Variants in RPS5 observed in about 807,000 individuals in gnomAD.
The protein encoded by RPS5 is small ribosomal subunit protein uS7.
A neutral mutation model predicts 20.9 loss-of-function variants in RPS5; 2 were observed. The observed-to-expected ratio is 0.10, with a 90% CI of 0.04 to 0.30. The LOEUF (loss-of-function observed/expected upper bound fraction) is 0.30, where lower values mean the gene tolerates loss of function less well. RPS5 is among the 10% of genes least tolerant of loss of function. The pLI, the probability that RPS5 is intolerant of heterozygous loss-of-function variation, is 1.00. For synonymous variants in RPS5, 112 were observed against 105.8 expected (o/e 1.06, Z -0.36); for missense variants, 122 against 287.2 (o/e 0.42, Z 4.16).
intron 2 of RPS5, chr19:58,388,459 G>A (rs2052341432): frequency 7.0e-6 from 4 of 571,974 alleles, no homozygotes; most frequent in Non-Finnish European, 1.2e-5. Context: ...TTCACCAGAA[G>A]GAGCATCACA....
intron 2 of RPS5, chr19:58,388,636 G>GTTTTTTTTTT (rs3048304): frequency 2.4e-5 from 5 of 209,940 alleles, no homozygotes; most frequent in Non-Finnish European, 4.2e-5. Context: ...GCTGGCCGTA[G>GTTTTTTTTTT]TTTTTTTTTT....
At chr19:58,392,951 C>T (rs1179676452) in intron 2 of RPS5, 25 bp from the exon 3 acceptor site, 1 of 1,608,990 alleles carries the variant, frequency 6.2e-7, no homozygotes, top group South Asian at 1.1e-5. Context: ...ATTTTCCCTT[C>T]ATTTCCTGCT....
intron 1 of RPS5, chr19:58,387,851 C>G (rs2052336529): frequency 1.3e-5 from 6 of 449,392 alleles, no homozygotes. Flanking sequence ...AGTGTGAGGA[C>G]GTATGGCATC....
Position 58,394,525 on chromosome 19 carries a change from G to T in RPS5, c.476G>T (p.Arg159Leu). Residue 159 changes from arginine to leucine, a missense_variant, in exon 5 of 6, where the codon CGT becomes CTT. Arg to Leu is a moderately radical substitution (Grantham distance 102). This residue lies in a region of RPS5 where 24 missense variants were observed against 36.7 expected (regional missense o/e 0.65). Coordinates refer to ENST00000196551, the MANE Select transcript of RPS5 (RefSeq NM_001009.4). ...QAIWLLCTGA[R>L]EAAFRNIKTI... ...ATCTGGCTGCTGTGCACAGGCGCTC[G>T]TGAGGCTGCCTTCCGGAACATTAAG... is the stretch of plus-strand genomic sequence containing the variant. The T allele has an allele frequency of 6.2e-7, 1 of 1,614,094 alleles. No homozygotes were observed. Among genetic ancestry groups the T allele is most frequent in the Non-Finnish European group, 8.5e-7 (1 of 1,180,018 alleles).
intron 5 of RPS5, 34 bp downstream of exon 5, chr19:58,394,629 G>T: frequency 6.2e-7 from 1 of 1,613,914 alleles, no homozygotes; most frequent in South Asian, 1.1e-5. Flanking sequence ...GGGGTCTTAA[G>T]TTGGGCATTT....
chr19:58,393,664 C>T (rs1036910809), intron 4 of RPS5, 177 bp downstream of exon 4: 7 of 711,406 alleles, frequency 9.8e-6, no homozygotes, highest in South Asian at 6.0e-5. Flanking sequence ...TCTGGGTCCT[C>T]TTCGGGAACA....
intron 2 of RPS5, 25 bp from the exon 3 acceptor site, chr19:58,392,951 C>A: frequency 6.2e-7 from 1 of 1,608,990 alleles, no homozygotes; most frequent in Non-Finnish European, 8.5e-7. Flanking sequence ...ATTTTCCCTT[C>A]ATTTCCTGCT....
intron 2 of RPS5, among the ~76,000 whole-genome samples, chr19:58,389,769 T>C (rs1181969317): frequency 6.6e-6 from 1 of 152,036 alleles, no homozygotes; most frequent in Non-Finnish European, 1.5e-5. Flanking sequence ...CCCAAGTAGC[T>C]GAGATTACAG....
At chr19:58,393,709 G>T in intron 4 of RPS5, 1 of 557,604 alleles carries the variant, frequency 1.8e-6, no homozygotes, top group Admixed American at 3.6e-5. Context: ...TCCTTTGGGT[G>T]TATATTTTTA....
intron 2 of RPS5, among the ~76,000 whole-genome samples, chr19:58,388,878 C>T (rs1363004328): frequency 6.6e-6 from 1 of 152,080 alleles, no homozygotes; most frequent in Admixed American, 6.6e-5. Flanking sequence ...ATCCGCCCGT[C>T]TCGGCCTCCC....
chr19:58,394,690 G>A lies in RPS5; in HGVS notation c.555G>A (p.Ser185=), dbSNP rs780106441. ...TGTGTGTCTCCTTGCAGGGCTCCTC[G>A]AACTCCTATGCCATTAAGAAGAAGG... The part of the protein sequence containing the change: ...DELINAAKGS[S]NSYAIKKKDE... Residue 185 remains serine (S), a synonymous_variant, in exon 6 of 6, where the codon TCG becomes TCA. Transcript: ENST00000196551. 18 of 1,613,956 alleles carry A rather than the reference G, an allele frequency of 1.1e-5. No homozygotes were observed. Among genetic ancestry groups the A allele is most frequent in the African/African-American group, 6.7e-5 (5 of 74,880 alleles).
At position 58,387,310 on chromosome 19, in the gene RPS5, G is replaced by C. The variant is rs2052331427; in HGVS notation, c.-31G>C. On this transcript the variant is annotated 5_prime_UTR_variant, in exon 1 of 6. Transcript: ENST00000196551. ...CAGGGCGGCGCGTGGTCTACGCCGA[G>C]TGACAGAGACGCTCAGGCTGTGTTC... 1 of 152,298 alleles carries C rather than the reference G, an allele frequency of 6.6e-6. No individual in the cohort carries two copies. Among genetic ancestry groups the C allele is most frequent in the South Asian group, 2.1e-4 (1 of 4,838 alleles). 9.4% of individuals were successfully genotyped at this position (152,298 alleles called of 1,614,324 possible). A position where few individuals can be genotyped will look rare whatever the true frequency, so the allele number is the denominator to read the frequency against.
chr19:58,394,168 C>T (rs535938629), intron 4 of RPS5: 70 of 297,990 alleles, frequency 2.3e-4, no homozygotes, highest in African/African-American at 1.4e-3. Flanking sequence ...TCAGGCTGGT[C>T]TCAAACTCCC....
intron 2 of RPS5, among the ~76,000 whole-genome samples, chr19:58,391,314 C>T (rs925647391): frequency 4.0e-5 from 6 of 151,376 alleles, no homozygotes; most frequent in African/African-American, 1.5e-4. Flanking sequence ...CACCTGTTGT[C>T]CCAGCTACTT....
chr19:58,393,495 TG>T lies in RPS5; in HGVS notation c.447+12del. On this transcript the variant is annotated intron_variant, in intron 4 of 5. Coordinates refer to ENST00000196551, the MANE Select transcript of RPS5 (RefSeq NM_001009.4). ...CTGCGCCGTGTGAACCAGGTGAGCCTGGGGCTTATGCACGTGGCAGGGTGGA... is the reference window on the plus strand; with the variant it reads ...CTGCGCCGTGTGAACCAGGTGAGCCTGGGCTTATGCACGTGGCAGGGTGGA... The T allele has an allele frequency of 6.2e-7, 1 of 1,606,958 alleles. No individual in the cohort carries two copies.
At chr19:58,390,587 C>T (rs886277459) in intron 2 of RPS5, among the ~76,000 whole-genome samples, 2 of 152,080 alleles carry the variant, frequency 1.3e-5, no homozygotes, top group African/African-American at 2.4e-5. Context: ...AGGTGCATGC[C>T]ACCACACCTG....
rs556333156 is a variant in RPS5 at position 58,392,333 on chromosome 19, A to T, written c.109-643A>T. ...CAAGACTCAGCCTCAAGGGGGGGAA[A>T]AAAAAAACTAGGCCAGGCGCAGTGG... On this transcript the variant is annotated intron_variant, in intron 2 of 5. Transcript: ENST00000196551. Among the ~76,000 whole-genome samples the T allele has an allele frequency of 8.0e-5, 11 of 137,814 alleles. No homozygotes were observed. The South Asian group carries it at 2.3e-3, about 29-fold the overall frequency. 90.4% of individuals were successfully genotyped at this position (137,814 alleles called of 152,430 possible). A position where few individuals can be genotyped will look rare whatever the true frequency, so the allele number is the denominator to read the frequency against.
chr19:58,393,643 C>A, intron 4 of RPS5, 156 bp downstream of exon 4: 1 of 893,600 alleles, frequency 1.1e-6, no homozygotes, highest in Non-Finnish European at 1.6e-6. Flanking sequence ...TGCATAGGGG[C>A]TGATCCAGGC....
At chr19:58,391,431 T>TAAAAA (rs1313285864) in intron 2 of RPS5, among the ~76,000 whole-genome samples, 1 of 45,940 alleles carries the variant, frequency 2.2e-5, no homozygotes, top group African/African-American at 1.6e-4. Flanking sequence ...AAACTCCATC[T>TAAAAA]CAAAAAAAAA....
Sources: gnomAD v4.1 joint callset for allele counts (sites outside exome capture counted in the v4.1 genomes callset) on GRCh38, gnomAD v4.1.1 for gene constraint, gnomAD v4.1.1 regional missense constraint, MANE v1.5 for transcripts, NCBI Gene and HGNC (gene_info 2026-07-23, HGNC 2026-07-21) for gene names.